The following GUCY1A2 variants were observed in gnomAD, a reference collection of about 807,000 sequenced individuals.
GUCY1A2 encodes guanylate cyclase soluble subunit alpha-2.
Under a neutral mutation model 63.5 loss-of-function variants are expected in GUCY1A2, and 27 were observed. The observed-to-expected ratio is 0.43, with a 90% confidence interval of 0.31 to 0.59. The LOEUF (loss-of-function observed/expected upper bound fraction) is 0.59. Among genes scored for constraint, GUCY1A2 ranks in the 20% least tolerant of loss-of-function variants. The pLI, the probability that GUCY1A2 is intolerant of heterozygous loss-of-function variation, is 0.11. For missense variants in GUCY1A2, 768 were observed against 913.3 expected (o/e 0.84, Z 2.05); for synonymous variants, 364 against 343.5 (o/e 1.06, Z -0.66).
chr11:106,688,637 C>T (rs1208173458), intron 7 of GUCY1A2, among the ~76,000 whole-genome samples: 1 of 151,902 alleles, frequency 6.6e-6, no homozygotes, highest in Non-Finnish European at 1.5e-5. Context: ...TAAAAAAACC[C>T]AATAAATGAA....
At chr11:106,808,476 T>G (rs922218183) in intron 5 of GUCY1A2, among the ~76,000 whole-genome samples, 5 of 152,148 alleles carry the variant, frequency 3.3e-5, no homozygotes, top group Non-Finnish European at 7.4e-5. Context: ...TTTAAAACCT[T>G]GAACCTGTTT....
intron 4 of GUCY1A2, among the ~76,000 whole-genome samples, chr11:106,853,661 G>A (rs543432682): frequency 9.3e-4 from 142 of 152,034 alleles, no homozygotes; most frequent in African/African-American, 3.0e-3. Context: ...TCTTTCTGCA[G>A]GATCTGTCAC....
intron 5 of GUCY1A2, among the ~76,000 whole-genome samples, chr11:106,800,530 G>C (rs1208579941): frequency 1.3e-5 from 2 of 151,988 alleles, no homozygotes; most frequent in Non-Finnish European, 2.9e-5. Flanking sequence ...AAATGTGACA[G>C]ATATACACCA....
chr11:107,006,700 G>T (rs762228844), intron 1 of GUCY1A2, among the ~76,000 whole-genome samples: 6 of 152,272 alleles, frequency 3.9e-5, no homozygotes, highest in Non-Finnish European at 7.4e-5. Flanking sequence ...CTATTATCAA[G>T]CACTTGATTA....
At chr11:106,784,932 C>G (rs1199916347) in intron 5 of GUCY1A2, among the ~76,000 whole-genome samples, 1 of 152,160 alleles carries the variant, frequency 6.6e-6, no homozygotes, top group Non-Finnish European at 1.5e-5. Flanking sequence ...GGGCATTAAT[C>G]TGTCATATGA....
rs554446790 is a variant in GUCY1A2, at chr11:106,683,410, G to A, written c.*4139C>T. The A allele has an allele frequency of 1.3e-3, 295 of 225,602 alleles. 1 individual carries two copies. The highest frequency in any genetic ancestry group is 6.3e-3 in the African/African-American group (285 of 45,074). 14.0% of individuals were successfully genotyped at this position (225,602 alleles called of 1,614,324 possible). On this transcript the variant is annotated 3_prime_UTR_variant, in exon 8 of 8. Coordinates refer to ENST00000526355, the MANE Select transcript of GUCY1A2 (RefSeq NM_000855.3). ...GGAACATTCAGTGAAGCTGTATGAA[G>A]TGCTTGGAGTCAGACTGTGTTTTGA...
At chr11:106,846,257 G>A (rs1487578274) in intron 4 of GUCY1A2, among the ~76,000 whole-genome samples, 5 of 151,596 alleles carry the variant, frequency 3.3e-5, no homozygotes, top group African/African-American at 9.7e-5. Context: ...GGGGGGTACT[G>A]TGACTATGTA....
intron 6 of GUCY1A2, among the ~76,000 whole-genome samples, chr11:106,750,705 A>C (rs1213509140): frequency 6.6e-6 from 1 of 151,694 alleles, no homozygotes; most frequent in Non-Finnish European, 1.5e-5. Flanking sequence ...GGATTTTTCC[A>C]GTGTAGTTGT....
At chr11:106,802,198 C>A (rs560587222) in intron 5 of GUCY1A2, among the ~76,000 whole-genome samples, 1 of 152,116 alleles carries the variant, frequency 6.6e-6, no homozygotes, top group Non-Finnish European at 1.5e-5. Flanking sequence ...TGAGAGATAG[C>A]GGTCCTGCCT....
chr11:106,702,989 G>A (rs1318574490), intron 7 of GUCY1A2, among the ~76,000 whole-genome samples: 1 of 152,176 alleles, frequency 6.6e-6, no homozygotes, highest in Non-Finnish European at 1.5e-5. Flanking sequence ...AGTGGACTGG[G>A]AAGGGCGGAC....
In GUCY1A2 at chr11:106,877,151, T is replaced by G. The variant is rs527748044; in HGVS notation, c.1206+62309A>C. 3.9e-5 allele frequency among the ~76,000 whole-genome samples: 6 copies of G among 152,204 alleles called. No individual in the cohort carries two copies. The East Asian group carries it at 1.2e-3, about 29-fold the overall frequency. On this transcript the variant is annotated intron_variant, in intron 4 of 7. Coordinates refer to ENST00000526355, the MANE Select transcript of GUCY1A2 (RefSeq NM_000855.3). Reference sequence around the variant, plus strand: ...GACTACTGTTGTACAGAAATGCTAGTGATTTTTGAATGTTGATTTTGTATC... The same window carrying G: ...GACTACTGTTGTACAGAAATGCTAGGGATTTTTGAATGTTGATTTTGTATC...
At chr11:106,809,286 G>T (rs992439158) in intron 5 of GUCY1A2, among the ~76,000 whole-genome samples, 1 of 152,032 alleles carries the variant, frequency 6.6e-6, no homozygotes, top group Non-Finnish European at 1.5e-5. Flanking sequence ...TGCAATCTAC[G>T]TAAGATTCTA....
chr11:106,697,795 A>T (rs1015588440), intron 7 of GUCY1A2, among the ~76,000 whole-genome samples: 1 of 152,198 alleles, frequency 6.6e-6, no homozygotes, highest in African/African-American at 2.4e-5. Context: ...TACAATATAT[A>T]GAATGGCTAT....
At chr11:106,994,610 T>G (rs758839619) in intron 1 of GUCY1A2, among the ~76,000 whole-genome samples, 1 of 152,172 alleles carries the variant, frequency 6.6e-6, no homozygotes, top group Admixed American at 6.5e-5. Flanking sequence ...AGTCTCAGAT[T>G]TAATTATCCA....
chr11:106,834,346 A>C (rs534849412), intron 4 of GUCY1A2, among the ~76,000 whole-genome samples: 21 of 152,128 alleles, frequency 1.4e-4, no homozygotes, highest in African/African-American at 4.6e-4. Flanking sequence ...ACTTAGCATA[A>C]TATCATCTGG....
chr11:106,744,645 T>C (rs992917612), intron 6 of GUCY1A2, among the ~76,000 whole-genome samples: 2 of 152,188 alleles, frequency 1.3e-5, no homozygotes, highest in Admixed American at 6.5e-5. Flanking sequence ...TAGGAGTTAT[T>C]TGAAGAGCCA....
chr11:107,010,775 G>C (rs944127456), intron 1 of GUCY1A2, among the ~76,000 whole-genome samples: 2 of 152,002 alleles, frequency 1.3e-5, no homozygotes, highest in African/African-American at 4.8e-5. Context: ...CTGTCACCCA[G>C]GCTGGAGTGC....
intron 1 of GUCY1A2, among the ~76,000 whole-genome samples, chr11:106,993,420 G>C (rs1861495484): frequency 6.6e-6 from 1 of 151,988 alleles, no homozygotes; most frequent in African/African-American, 2.4e-5. Flanking sequence ...CAAACAACCA[G>C]TTTACTTCTG....
rs181931385 is a variant in GUCY1A2, at chr11:106,953,107, C to T, written c.488-12929G>A. On this transcript the variant is annotated intron_variant, in intron 3 of 7. Transcript: ENST00000526355. ...GAGAGAGGGCATCCTTGTCTTGTAC[C>T]AGTTTTTAAAGGAATGCTTCTAGCT... Among the ~76,000 whole-genome samples, 7 of 152,230 alleles carry T rather than the reference C, an allele frequency of 4.6e-5. No homozygotes were observed. The East Asian group carries it at 1.4e-3, about 29-fold the overall frequency.
Sources: allele counts gnomAD v4.1 joint callset (sites outside exome capture counted in the v4.1 genomes callset), GRCh38; gene constraint gnomAD v4.1.1; transcripts MANE v1.5; gene names NCBI Gene and HGNC (gene_info 2026-07-23, HGNC 2026-07-21).